Variants in SLC18B1 observed in about 807,000 individuals in gnomAD.
SLC18B1 encodes solute carrier family 18 member B1, also known as MFS-type transporter SLC18B1.
In SLC18B1, 62 loss-of-function variants were observed where a neutral mutation model predicts 53.9. The ratio of observed to expected loss-of-function variants is 1.15; its 90% CI spans 0.94 to 1.42. The LOEUF (loss-of-function observed/expected upper bound fraction) is 1.42, where lower values mean the gene tolerates loss of function less well. Among genes scored for constraint, SLC18B1 ranks in the 40% most tolerant of loss-of-function variants. The pLI, the probability that SLC18B1 is intolerant of heterozygous loss-of-function variation, is 0.00. For synonymous variants in SLC18B1, 217 were observed against 200.9 expected (o/e 1.08, Z -0.68); for missense variants, 598 against 547.3 (o/e 1.09, Z -0.93).
chr6:132,776,166 A>G (rs1197901051), intron 8 of SLC18B1, among the ~76,000 whole-genome samples, 162 bp downstream of exon 8: 2 of 152,198 alleles, frequency 1.3e-5, no homozygotes, highest in Non-Finnish European at 2.9e-5. Flanking sequence ...GCTTAGTGTG[A>G]TAGCTGACCC....
intron 6 of SLC18B1, among the ~76,000 whole-genome samples, chr6:132,780,620 G>T (rs776772311): frequency 4.6e-5 from 6 of 129,806 alleles, no homozygotes; most frequent in Non-Finnish European, 9.4e-5. Flanking sequence ...GGAGTGCAGT[G>T]GTGCGATCTC....
rs541098173 is a variant in SLC18B1, at chr6:132,774,997, C to T, written c.898-684G>A. 3.8e-3 allele frequency among the ~76,000 whole-genome samples: 581 copies of T among 152,192 alleles called. 1 individual carries two copies. Among genetic ancestry groups the T allele is most frequent in the Middle Eastern group, 0.024 (7 of 294 alleles). On this transcript the variant is annotated intron_variant, in intron 8 of 13. Transcript: ENST00000275227. ...AATCACATTATTAAAAAATTACCTG[C>T]TAGAGACTGAATGCTTATGTCCCCC...
chr6:132,772,092 CA>C (rs200939302), intron 11 of SLC18B1, 39 bp downstream of exon 11: 199,026 of 1,021,048 alleles, frequency 0.19, 37 homozygotes, highest in East Asian at 0.22. Flanking sequence ...AACTCCATCT[CA>C]AAAAAAAAAA....
intron 2 of SLC18B1, among the ~76,000 whole-genome samples, chr6:132,791,015 T>C (rs1049497214): frequency 6.6e-6 from 1 of 152,234 alleles, no homozygotes; most frequent in Admixed American, 6.5e-5. Context: ...GATACACAAC[T>C]ACATTCACAT....
chr6:132,795,434 C>A (rs981287704), intron 2 of SLC18B1, among the ~76,000 whole-genome samples: 1 of 152,140 alleles, frequency 6.6e-6, no homozygotes, highest in South Asian at 2.1e-4. Context: ...TGCTGAGATT[C>A]TCAAGATTCT....
Position 132,785,115 on chromosome 6 carries a change from C to G in SLC18B1, c.502-1026G>C, listed in dbSNP as rs1210399953. ...TCTTGTTCTCGTGCTCTCTCTCTCT[C>G]TCAGTGTGTGTGTGTGTGTGTGTGT... On this transcript the variant is annotated intron_variant, in intron 5 of 13. Coordinates refer to ENST00000275227, the MANE Select transcript of SLC18B1 (RefSeq NM_052831.3). Among the ~76,000 whole-genome samples the G allele has an allele frequency of 1.7e-4, 25 of 144,364 alleles. No individual in the cohort carries two copies. The East Asian group carries it at 4.7e-3, about 27-fold the overall frequency. 94.7% of individuals were successfully genotyped at this position (144,364 alleles called of 152,430 possible). A position where few individuals can be genotyped will look rare whatever the true frequency, so the allele number is the denominator to read the frequency against.
intron 2 of SLC18B1, among the ~76,000 whole-genome samples, chr6:132,793,052 C>T (rs1336617037): frequency 6.6e-6 from 1 of 152,090 alleles, no homozygotes; most frequent in Non-Finnish European, 1.5e-5. Flanking sequence ...ACTCAGGAGG[C>T]GGAGGTTGCA....
At chr6:132,778,099 G>C (rs1305881376) in intron 7 of SLC18B1, among the ~76,000 whole-genome samples, 1 of 152,120 alleles carries the variant, frequency 6.6e-6, no homozygotes, top group Non-Finnish European at 1.5e-5. Flanking sequence ...AGGGGCGAGG[G>C]ACACAAGGTG....
At chr6:132,775,549 C>A (rs1781077076) in intron 8 of SLC18B1, among the ~76,000 whole-genome samples, 1 of 152,116 alleles carries the variant, frequency 6.6e-6, no homozygotes, top group Non-Finnish European at 1.5e-5. Flanking sequence ...AATAAATATG[C>A]AAATGAAATC....
chr6:132,783,042 T>TG (rs1265194315), intron 6 of SLC18B1, among the ~76,000 whole-genome samples: 1 of 152,194 alleles, frequency 6.6e-6, no homozygotes, highest in Non-Finnish European at 1.5e-5. Context: ...CCCAAAGTGC[T>TG]GGGATTACAG....
intron 4 of SLC18B1, among the ~76,000 whole-genome samples, 161 bp from the exon 5 acceptor site, chr6:132,787,742 T>G (rs1263577044): frequency 1.3e-5 from 2 of 152,224 alleles, no homozygotes. Context: ...TGTTGTCTTT[T>G]CAGGAGGAGG....
intron 2 of SLC18B1, among the ~76,000 whole-genome samples, chr6:132,792,463 A>G (rs1781576178): frequency 2.0e-5 from 3 of 152,158 alleles, no homozygotes; most frequent in Non-Finnish European, 2.9e-5. Context: ...AATAGTTCTG[A>G]TAAGTATTTA....
At chr6:132,789,608 T>C (rs1443204489) in intron 4 of SLC18B1, 156 bp downstream of exon 4, 1 of 595,688 alleles carries the variant, frequency 1.7e-6, no homozygotes, top group Admixed American at 2.8e-5. Context: ...CATTTATCCC[T>C]GTTCTCTACT....
At chr6:132,788,146 G>A (rs1781430055) in intron 4 of SLC18B1, among the ~76,000 whole-genome samples, 2 of 149,684 alleles carry the variant, frequency 1.3e-5, no homozygotes, top group Non-Finnish European at 3.0e-5. Flanking sequence ...GGGCGACAGA[G>A]TGAGACTCTG....
intron 2 of SLC18B1, among the ~76,000 whole-genome samples, chr6:132,792,917 G>A (rs1391638569): frequency 6.6e-6 from 1 of 152,136 alleles, no homozygotes; most frequent in African/African-American, 2.4e-5. Context: ...TCAGGAGTTC[G>A]AGACCAGCCT....
At chr6:132,770,970 T>C in intron 12 of SLC18B1, 31 bp from the exon 13 acceptor site, 1 of 1,611,780 alleles carries the variant, frequency 6.2e-7, no homozygotes, top group Non-Finnish European at 8.5e-7. Flanking sequence ...CTGATTAATG[T>C]AAATTTTCCA....
At chr6:132,786,561 A>G (rs76976153) in intron 5 of SLC18B1, among the ~76,000 whole-genome samples, 1 of 151,710 alleles carries the variant, frequency 6.6e-6, no homozygotes, top group Admixed American at 6.6e-5. Flanking sequence ...ACTCCAAAAA[A>G]AAAAAAAAAA....
chr6:132,781,942 C>T (rs1485222376), intron 6 of SLC18B1, among the ~76,000 whole-genome samples: 1 of 151,838 alleles, frequency 6.6e-6, no homozygotes, highest in African/African-American at 2.4e-5. Context: ...AATCGCAGCA[C>T]TTTGGGAAAC....
At position 132,792,341 on chromosome 6, in the gene SLC18B1, AAGGAAGGAAGGAAGGG is replaced by A. The variant is rs1262965352; in HGVS notation, c.184-2085_184-2070del. Reference sequence around the variant, plus strand: ...GAAGGAAGGAAGGAAGGAAGGAAGGAAGGAAGGAAGGAAGGGAAAGAAAGAAAAGAAGGAAAGAAAG... The same window carrying A: ...GAAGGAAGGAAGGAAGGAAGGAAGGAAAAGAAAGAAAAGAAGGAAAGAAAG... On this transcript the variant is annotated intron_variant, in intron 2 of 13. Coordinates refer to ENST00000275227, the MANE Select transcript of SLC18B1 (RefSeq NM_052831.3). 1.7e-3 allele frequency among the ~76,000 whole-genome samples: 181 copies of A among 106,756 alleles called. 7 individuals carry two copies. The highest frequency in any genetic ancestry group is 3.0e-3 in the South Asian group (10 of 3,378). The allele number at this position is 106,756 out of a possible 152,430, so 70.0% of individuals were successfully genotyped here. A position where few individuals can be genotyped will look rare whatever the true frequency, so the allele number is the denominator to read the frequency against.
Sources: gnomAD v4.1 joint callset for allele counts (sites outside exome capture counted in the v4.1 genomes callset) on GRCh38, gnomAD v4.1.1 for gene constraint, MANE v1.5 for transcripts, NCBI Gene and HGNC (gene_info 2026-07-23, HGNC 2026-07-21) for gene names.